ENTREP2: variants seen among roughly 807,000 people sequenced by gnomAD.
The protein encoded by ENTREP2 is protein ENTREP2.
chr15:29,371,312 A>G, the ENTREP2 span, among the ~76,000 whole-genome samples: 1 of 150,208 alleles, frequency 6.7e-6, no homozygotes, highest in Non-Finnish European at 1.5e-5. Context: ...TAGGAAAGGT[A>G]AACTGTGCCA....
chr15:29,123,723 A>C, the ENTREP2 span: 1 of 1,455,214 alleles, frequency 6.9e-7, no homozygotes, highest in South Asian at 1.4e-5. Context: ...AAAGCAAAGA[A>C]AAGCCTGCTC....
chr15:29,148,907 C>T, the ENTREP2 span, among the ~76,000 whole-genome samples: 4 of 151,324 alleles, frequency 2.6e-5, no homozygotes, highest in African/African-American at 7.3e-5. Context: ...GTCTCAATCT[C>T]GCTCTGTCGC....
the ENTREP2 span, among the ~76,000 whole-genome samples, chr15:29,251,286 T>C: frequency 1.3e-5 from 2 of 152,202 alleles, no homozygotes; most frequent in South Asian, 2.1e-4. Context: ...CACAGTCCTA[T>C]CAGGAGTTTA....
chr15:29,444,611 C>T, the ENTREP2 span, among the ~76,000 whole-genome samples: 4 of 151,950 alleles, frequency 2.6e-5, no homozygotes, highest in Admixed American at 1.3e-4. Flanking sequence ...GCACTACAGG[C>T]GCCCACCACC....
At chr15:29,657,980 A>C in the ENTREP2 span, among the ~76,000 whole-genome samples, 14 of 150,782 alleles carry the variant, frequency 9.3e-5, no homozygotes, top group African/African-American at 2.9e-4. Context: ...AATACGTGAA[A>C]GAAGTCAGAT....
chr15:29,155,075 G>T, the ENTREP2 span, among the ~76,000 whole-genome samples: 77 of 151,914 alleles, frequency 5.1e-4, no homozygotes, highest in South Asian at 1.5e-3. Context: ...AAGGTCAGGA[G>T]ATCGAGACCA....
the ENTREP2 span, among the ~76,000 whole-genome samples, chr15:29,502,289 C>G: frequency 6.6e-6 from 1 of 151,816 alleles, no homozygotes. Context: ...ATCAGTGAAA[C>G]AGATCTATGG....
the ENTREP2 span, among the ~76,000 whole-genome samples, chr15:29,287,377 G>C: frequency 1.0e-5 from 1 of 98,218 alleles, no homozygotes; most frequent in Non-Finnish European, 2.0e-5. Context: ...GTTTAGGCAA[G>C]ACCAGCAAAA....
chr15:29,251,779 G>A, the ENTREP2 span, among the ~76,000 whole-genome samples: 1 of 117,936 alleles, frequency 8.5e-6, no homozygotes, highest in East Asian at 2.4e-4. Context: ...ATCAGCTATC[G>A]CTAGTTTTAG....
the ENTREP2 span, among the ~76,000 whole-genome samples, chr15:29,384,049 C>T: frequency 1.3e-5 from 2 of 152,150 alleles, no homozygotes; most frequent in African/African-American, 2.4e-5. Context: ...ACTAACTCTC[C>T]TTCCAAATGC....
chr15:29,270,065 T>C, the ENTREP2 span, among the ~76,000 whole-genome samples: 1 of 152,104 alleles, frequency 6.6e-6, no homozygotes, highest in Non-Finnish European at 1.5e-5. Context: ...ACAGACAGTA[T>C]TATGAGTTTC....
the ENTREP2 span, chr15:29,136,504 G>A: frequency 6.5e-7 from 1 of 1,547,226 alleles, no homozygotes; most frequent in Non-Finnish European, 8.7e-7. Flanking sequence ...GGAGGCCCCT[G>A]AAAAGACAGA....
At chr15:29,182,828 C>T in the ENTREP2 span, among the ~76,000 whole-genome samples, 7 of 151,870 alleles carry the variant, frequency 4.6e-5, no homozygotes, top group Non-Finnish European at 7.4e-5. Context: ...GAGAGACAAG[C>T]CATAGACCAA....
At chr15:29,234,994 A>T in the ENTREP2 span, 1 of 1,376,626 alleles carries the variant, frequency 7.3e-7, no homozygotes, top group South Asian at 1.2e-5. Flanking sequence ...CATCATGCAC[A>T]TTTAGGGTTG....
At chr15:29,507,810 A>G in the ENTREP2 span, among the ~76,000 whole-genome samples, 29 of 152,226 alleles carry the variant, frequency 1.9e-4, no homozygotes, top group African/African-American at 6.3e-4. Context: ...GGAAAGATCT[A>G]AAATCAACAC....
the ENTREP2 span, among the ~76,000 whole-genome samples, chr15:29,634,612 C>A: frequency 2.6e-5 from 4 of 152,180 alleles, no homozygotes; most frequent in African/African-American, 4.8e-5. Flanking sequence ...ATACTGTCTA[C>A]CTGGAGAGAG....
the ENTREP2 span, among the ~76,000 whole-genome samples, chr15:29,651,413 C>T: frequency 6.6e-6 from 1 of 152,222 alleles, no homozygotes; most frequent in African/African-American, 2.4e-5. Flanking sequence ...GCAGAAGCGG[C>T]CCATCTAGAA....
the ENTREP2 span, among the ~76,000 whole-genome samples, chr15:29,609,220 C>T: frequency 6.7e-6 from 1 of 150,176 alleles, no homozygotes; most frequent in Non-Finnish European, 1.5e-5. Context: ...AAAACTTGGA[C>T]CCCTTTGCCT....
chr15:29,566,626 T>C, the ENTREP2 span, among the ~76,000 whole-genome samples: 2 of 152,208 alleles, frequency 1.3e-5, no homozygotes, highest in African/African-American at 4.8e-5. Flanking sequence ...CTGACTATTT[T>C]TTGTATTTTT....
Sources: allele counts gnomAD v4.1 joint callset (sites outside exome capture counted in the v4.1 genomes callset), GRCh38; gene constraint gnomAD v4.1.1; transcripts MANE v1.5; gene names NCBI Gene and HGNC (gene_info 2026-07-23, HGNC 2026-07-21).